CRACR2A: variants seen among roughly 807,000 people sequenced by gnomAD.
CRACR2A encodes calcium release activated channel regulator 2A.
In CRACR2A, 79 loss-of-function variants were observed where a neutral mutation model predicts 90.5. That is an observed-to-expected ratio of 0.87 (90% CI 0.73 to 1.05). The LOEUF (loss-of-function observed/expected upper bound fraction) is 1.05, where lower values mean the gene tolerates loss of function less well. CRACR2A is among the 50% of genes least tolerant of loss of function. The probability of loss-of-function intolerance (pLI) is 0.00; values close to 1 mark genes in which losing one functional copy is unlikely to be tolerated. For synonymous variants in CRACR2A, 338 were observed against 356.7 expected (o/e 0.95, Z 0.59); for missense variants, 823 against 897.2 (o/e 0.92, Z 1.06).
At chr12:3,625,221 C>T (rs745842810) in intron 17 of CRACR2A, among the ~76,000 whole-genome samples, 4 of 152,142 alleles carry the variant, frequency 2.6e-5, no homozygotes, top group Non-Finnish European at 4.4e-5. Context: ...CCAAGGCTTC[C>T]GTGGGCCTCT....
At chr12:3,715,147 G>A (rs1946064333) in intron 2 of CRACR2A, among the ~76,000 whole-genome samples, 1 of 152,222 alleles carries the variant, frequency 6.6e-6, no homozygotes, top group Non-Finnish European at 1.5e-5. Context: ...CTGGGTGCAT[G>A]GGATATGGCG....
Position 3,696,813 on chromosome 12 carries a change from C to T in CRACR2A, c.187G>A (p.Asp63Asn). The T allele has an allele frequency of 6.2e-7, 1 of 1,614,228 alleles. No homozygotes were observed. Among genetic ancestry groups the T allele is most frequent in the Non-Finnish European group, 8.5e-7 (1 of 1,180,042 alleles). The change falls in exon 4 of 20, where the codon GAT (aspartate) becomes AAT (asparagine). Residue 63 changes from aspartate to asparagine, a missense_variant. By Grantham distance (23) the Asp-to-Asn change is conservative. Transcript: ENST00000440314. ...RKAQEFFQTC[D>N]AEGKGFIARK... ...GCGATGAAGCCCTTGCCTTCAGCAT[C>T]ACAGGTCTGAAAGAACTCCTGTGCC...
intron 18 of CRACR2A, among the ~76,000 whole-genome samples, chr12:3,618,040 G>A (rs1343440009): frequency 6.6e-6 from 1 of 152,152 alleles, no homozygotes; most frequent in Non-Finnish European, 1.5e-5. Context: ...GGAGGGGAGA[G>A]AAGGACATAG....
chr12:3,625,126 A>G (rs956293803), intron 17 of CRACR2A, among the ~76,000 whole-genome samples: 5 of 152,182 alleles, frequency 3.3e-5, no homozygotes, highest in African/African-American at 1.2e-4. Flanking sequence ...ATCATATAGA[A>G]AAGCCCTGTT....
intron 13 of CRACR2A, among the ~76,000 whole-genome samples, chr12:3,638,723 C>A (rs547906439): frequency 6.6e-6 from 1 of 152,328 alleles, no homozygotes; most frequent in Non-Finnish European, 1.5e-5. Flanking sequence ...ATGCCATTTA[C>A]AGATGGACAT....
At chr12:3,671,450 C>T (rs1399715430) in intron 7 of CRACR2A, among the ~76,000 whole-genome samples, 1 of 152,118 alleles carries the variant, frequency 6.6e-6, no homozygotes, top group Admixed American at 6.5e-5. Context: ...GGTTGCAAAG[C>T]CACACATGAC....
At chr12:3,627,312 T>A in intron 17 of CRACR2A, 124 bp downstream of exon 17, 2 of 712,520 alleles carry the variant, frequency 2.8e-6, no homozygotes, top group Non-Finnish European at 4.6e-6. Context: ...CATCAGTTTG[T>A]TCCTGGAAAA....
chr12:3,638,223 A>G lies in CRACR2A; in HGVS notation c.1503T>C (p.Ser501=). 1 of 1,551,688 alleles carries G rather than the reference A, an allele frequency of 6.4e-7. No homozygotes were observed. Among genetic ancestry groups the G allele is most frequent in the Non-Finnish European group, 8.7e-7 (1 of 1,146,986 alleles). ...LSKCSEEEEV[S]DQGVQGQIPE... is the part of the protein sequence containing the mutation. ...GGATTTGTCCCTGTACCCCCTGGTC[A>G]GAGACCTCTTCCTCTTCTGAGCATT... The change falls in exon 14 of 20, where the codon TCT becomes TCC. Residue 501 remains serine, a synonymous_variant. Coordinates refer to ENST00000440314, the MANE Select transcript of CRACR2A (RefSeq NM_001144958.2).
intron 1 of CRACR2A, among the ~76,000 whole-genome samples, chr12:3,736,875 C>G (rs774070894): frequency 6.6e-6 from 1 of 152,282 alleles, no homozygotes; most frequent in East Asian, 1.9e-4. Context: ...CACCGGTGAA[C>G]TCAGTAATAG....
At chr12:3,748,845 A>G (rs7965811) in intron 1 of CRACR2A, among the ~76,000 whole-genome samples, 23,776 of 152,184 alleles carry the variant, frequency 0.16, 1,906 homozygotes, top group South Asian at 0.18. Flanking sequence ...TGTTTATGTC[A>G]TCCGGATGAC....
chr12:3,660,967 A>C (rs1334773784), intron 7 of CRACR2A, among the ~76,000 whole-genome samples: 1 of 152,142 alleles, frequency 6.6e-6, no homozygotes, highest in Non-Finnish European at 1.5e-5. Flanking sequence ...ATAATTGAGG[A>C]AACAGCCCTG....
At chr12:3,634,283 T>C (rs1160303336) in intron 14 of CRACR2A, among the ~76,000 whole-genome samples, 2 of 152,192 alleles carry the variant, frequency 1.3e-5, no homozygotes, top group Admixed American at 1.3e-4. Context: ...CTGGACTAAA[T>C]GGAGGATGCT....
At chr12:3,619,236 C>G (rs1325734305) in intron 18 of CRACR2A, 35 bp downstream of exon 18, 1 of 1,529,670 alleles carries the variant, frequency 6.5e-7, no homozygotes, top group Non-Finnish European at 8.9e-7. Flanking sequence ...CGGGGTCACA[C>G]TCTGTCCAGA....
At chr12:3,686,817 G>T (rs911916139) in intron 4 of CRACR2A, among the ~76,000 whole-genome samples, 2 of 152,174 alleles carry the variant, frequency 1.3e-5, no homozygotes, top group African/African-American at 4.8e-5. Flanking sequence ...GGAGGCTGAG[G>T]ACTCTCTAAA....
chr12:3,723,969 G>A (rs918898553), intron 2 of CRACR2A, among the ~76,000 whole-genome samples: 42 of 152,154 alleles, frequency 2.8e-4, no homozygotes, highest in African/African-American at 8.9e-4. Flanking sequence ...CCCTTCCTTC[G>A]TTTCTAGGAC....
At chr12:3,726,486 A>G (rs1032607678) in intron 2 of CRACR2A, 3 of 152,216 alleles carry the variant, frequency 2.0e-5, no homozygotes, top group East Asian at 1.9e-4. Context: ...TCATATAAGA[A>G]GTACAAGGAA....
intron 14 of CRACR2A, among the ~76,000 whole-genome samples, chr12:3,637,051 G>C (rs1446039656): frequency 6.6e-6 from 1 of 152,182 alleles, no homozygotes; most frequent in Non-Finnish European, 1.5e-5. Context: ...GGTCCCAAAC[G>C]AGGCAAAGAG....
intron 1 of CRACR2A, among the ~76,000 whole-genome samples, chr12:3,737,753 A>G (rs954303913): frequency 6.6e-6 from 1 of 152,222 alleles, no homozygotes; most frequent in African/African-American, 2.4e-5. Context: ...ATCTACATCT[A>G]TTCTTGGATA....
intron 12 of CRACR2A, among the ~76,000 whole-genome samples, chr12:3,642,354 T>C (rs1944589497): frequency 6.6e-6 from 1 of 152,046 alleles, no homozygotes; most frequent in Non-Finnish European, 1.5e-5. Flanking sequence ...GTAGCTAGGA[T>C]TATAGGCGCC....
Sources: allele counts gnomAD v4.1 joint callset (sites outside exome capture counted in the v4.1 genomes callset), GRCh38; gene constraint gnomAD v4.1.1; transcripts MANE v1.5; gene names NCBI Gene and HGNC (gene_info 2026-07-23, HGNC 2026-07-21).